The following USP49 variants were observed in gnomAD, a reference collection of about 807,000 sequenced individuals.
USP49 encodes ubiquitin specific peptidase 49.
In USP49, 24 loss-of-function variants were observed where a neutral mutation model predicts 58.6. The ratio of observed to expected loss-of-function variants is 0.41; its 90% confidence interval spans 0.30 to 0.58. The LOEUF (loss-of-function observed/expected upper bound fraction) is 0.58. Among genes scored for constraint, USP49 ranks in the 20% least tolerant of loss-of-function variants. The pLI, the probability that USP49 is intolerant of heterozygous loss-of-function variation, is 0.30. For synonymous variants in USP49, 408 were observed against 365.1 expected, an observed-to-expected ratio of 1.12 and a Z score of -1.34; for missense variants, 703 against 866.1, an observed-to-expected ratio of 0.81 and a Z score of 2.36.
chr6:41,807,035 A>C, intron 3 of USP49, 24 bp from the exon 4 acceptor site: 1 of 1,337,280 alleles, frequency 7.5e-7, no homozygotes, highest in Non-Finnish European at 9.7e-7. Flanking sequence ...GTCCCCAAAA[A>C]AGAAAAAGAA....
chr6:41,882,071 A>C (rs1405678255), intron 2 of USP49, among the ~76,000 whole-genome samples: 1 of 152,196 alleles, frequency 6.6e-6, no homozygotes, highest in Non-Finnish European at 1.5e-5. Flanking sequence ...ATTTTGAAAA[A>C]AAAAAGCAAA....
At chr6:41,865,801 G>GC (rs929240578) in intron 3 of USP49, among the ~76,000 whole-genome samples, 1 of 102,350 alleles carries the variant, frequency 9.8e-6, no homozygotes, top group African/African-American at 4.2e-5. Context: ...ACCATGCCTG[G>GC]CCTTTTTTTT....
chr6:41,838,280 C>T (rs374393478), intron 3 of USP49, among the ~76,000 whole-genome samples: 1 of 152,226 alleles, frequency 6.6e-6, no homozygotes, highest in African/African-American at 2.4e-5. Flanking sequence ...CGTCTATCCA[C>T]ATGACAGTTT....
intron 3 of USP49, among the ~76,000 whole-genome samples, chr6:41,837,172 CA>C (rs1475027280): frequency 6.6e-6 from 1 of 152,112 alleles, no homozygotes; most frequent in Admixed American, 6.5e-5. Flanking sequence ...AGCAAAAGAA[CA>C]AAGCTGGAGG....
chr6:41,857,161 C>G (rs1306607354), intron 3 of USP49, among the ~76,000 whole-genome samples: 1 of 152,216 alleles, frequency 6.6e-6, no homozygotes, highest in Non-Finnish European at 1.5e-5. Context: ...CTATCAACAT[C>G]TGCCTTCTTC....
intron 2 of USP49, among the ~76,000 whole-genome samples, chr6:41,876,554 C>T (rs940423695): frequency 6.6e-6 from 1 of 152,084 alleles, no homozygotes; most frequent in African/African-American, 2.4e-5. Context: ...GCTGGGACTA[C>T]AGGTGCGTGC....
At chr6:41,801,382 A>G (rs1427356016) in intron 5 of USP49, among the ~76,000 whole-genome samples, 1 of 152,218 alleles carries the variant, frequency 6.6e-6, no homozygotes, top group Non-Finnish European at 1.5e-5. Flanking sequence ...GATGTATCAC[A>G]GAGCTTTCTG....
intron 3 of USP49, among the ~76,000 whole-genome samples, chr6:41,850,462 A>T (rs9394835): frequency 0.71 from 103,962 of 146,820 alleles, 37,095 homozygotes; most frequent in East Asian, 0.79. Context: ...AAAAAAAAAA[A>T]AAATAAATAA....
At chr6:41,837,305 G>A (rs953515867) in intron 3 of USP49, among the ~76,000 whole-genome samples, 9 of 152,102 alleles carry the variant, frequency 5.9e-5, no homozygotes, top group South Asian at 4.1e-4. Context: ...AAATAAAAAC[G>A]TACACCTACA....
chr6:41,848,168 A>C (rs1207047441), intron 3 of USP49, among the ~76,000 whole-genome samples: 1 of 152,212 alleles, frequency 6.6e-6, no homozygotes, highest in African/African-American at 2.4e-5. Flanking sequence ...AAGATGATTT[A>C]TGCAATCACA....
At position 41,792,872 on chromosome 6, in the gene USP49, T is replaced by C. The variant is rs1448405166; in HGVS notation, c.*3661A>G. 1 of 152,242 alleles carries C rather than the reference T, an allele frequency of 6.6e-6. No individual in the cohort carries two copies. The highest frequency in any genetic ancestry group is 1.9e-4 in the East Asian group (1 of 5,204). 9.4% of individuals were successfully genotyped at this position (152,242 alleles called of 1,614,324 possible). On this transcript the variant is annotated 3_prime_UTR_variant, in exon 8 of 8. Transcript: ENST00000682992. ...AGTACAAGGCACCAAATTTTATGAA[T>C]TGTATAAAATTAGTTCACAAAGCTT...
At chr6:41,809,878 G>A (rs1360354611) in intron 3 of USP49, among the ~76,000 whole-genome samples, 3 of 149,504 alleles carry the variant, frequency 2.0e-5, no homozygotes, top group Non-Finnish European at 4.5e-5. Flanking sequence ...TAGGCCGGGC[G>A]CGGTGGCTCA....
At chr6:41,863,242 A>G (rs1774253847) in intron 3 of USP49, among the ~76,000 whole-genome samples, 1 of 152,134 alleles carries the variant, frequency 6.6e-6, no homozygotes. Context: ...AAGCCTACTA[A>G]TTTGTATTCA....
At chr6:41,849,064 G>A (rs75474382) in intron 3 of USP49, among the ~76,000 whole-genome samples, 5,195 of 152,172 alleles carry the variant, frequency 0.034, 141 homozygotes, top group Non-Finnish European at 0.05. Context: ...ACTATATGCT[G>A]TCTACAAGAG....
chr6:41,828,384 G>C (rs1773578997), intron 3 of USP49, among the ~76,000 whole-genome samples: 1 of 152,114 alleles, frequency 6.6e-6, no homozygotes. Flanking sequence ...GGGAGGCGGA[G>C]GTTGCAGTAA....
At chr6:41,879,511 T>C (rs1453265840) in intron 2 of USP49, among the ~76,000 whole-genome samples, 2 of 151,758 alleles carry the variant, frequency 1.3e-5, no homozygotes, top group African/African-American at 4.8e-5. Context: ...CCTCTGAAAG[T>C]GGGGATAGCA....
chr6:41,880,478 T>G (rs1041786983), intron 2 of USP49, among the ~76,000 whole-genome samples: 3 of 152,102 alleles, frequency 2.0e-5, no homozygotes, highest in Non-Finnish European at 4.4e-5. Flanking sequence ...AGGCCTAGAA[T>G]GAGGCTAATT....
chr6:41,870,925 C>T (rs1561923858), intron 3 of USP49, among the ~76,000 whole-genome samples: 1 of 151,686 alleles, frequency 6.6e-6, no homozygotes, highest in Non-Finnish European at 1.5e-5. Flanking sequence ...GTGGCGGGTG[C>T]CTGTAGTTCC....
At chr6:41,832,994 T>A (rs546898206) in intron 3 of USP49, 1 of 151,750 alleles carries the variant, frequency 6.6e-6, no homozygotes, top group African/African-American at 2.4e-5. Flanking sequence ...TGACACAGTA[T>A]TTCTTTTTTT....
Sources: gnomAD v4.1 joint callset for allele counts (sites outside exome capture counted in the v4.1 genomes callset) on GRCh38, gnomAD v4.1.1 for gene constraint, MANE v1.5 for transcripts, NCBI Gene and HGNC (gene_info 2026-07-23, HGNC 2026-07-21) for gene names.